The following EXOC2 variants were observed in gnomAD, a reference collection of about 807,000 sequenced individuals.
EXOC2 encodes SEC5-like 1.
EXOC2 carries 70 observed loss-of-function variants against 131.8 expected under a neutral mutation model. The observed-to-expected ratio is 0.53, with a 90% CI of 0.44 to 0.65. The LOEUF (loss-of-function observed/expected upper bound fraction) is 0.65. Ranked by LOEUF, EXOC2 falls within the 30% of genes least tolerant of loss-of-function variation. The probability of loss-of-function intolerance (pLI) is 0.00; values close to 1 mark genes in which losing one functional copy is unlikely to be tolerated. For synonymous variants in EXOC2, 411 were observed against 398.4 expected (o/e 1.03, Z -0.38); for missense variants, 923 against 1,108.6 (o/e 0.83, Z 2.38).
intron 26 of EXOC2, 39 bp downstream of exon 26, chr6:491,086 T>C (rs992739053): frequency 1.2e-6 from 2 of 1,606,014 alleles, no homozygotes; most frequent in South Asian, 1.1e-5. Flanking sequence ...CAACCTTTAT[T>C]TTTAATAGAG....
chr6:665,983 C>T (rs541373711), intron 1 of EXOC2, among the ~76,000 whole-genome samples: 2 of 152,212 alleles, frequency 1.3e-5, no homozygotes, highest in Non-Finnish European at 2.9e-5. Context: ...GAAATGTGGT[C>T]TGCTACCTAT....
chr6:604,682 G>T (rs1760297957), intron 7 of EXOC2, among the ~76,000 whole-genome samples: 1 of 144,904 alleles, frequency 6.9e-6, no homozygotes, highest in Non-Finnish European at 1.5e-5. Flanking sequence ...TTCCTGGGCT[G>T]CGGCCTATCT....
chr6:625,487 T>G (rs1252975052), intron 4 of EXOC2, among the ~76,000 whole-genome samples: 1 of 152,010 alleles, frequency 6.6e-6, no homozygotes, highest in Non-Finnish European at 1.5e-5. Flanking sequence ...TTACACTCTG[T>G]TGTATTACGT....
chr6:654,835 A>AAAAAAAAAC (rs1561976766), intron 1 of EXOC2, among the ~76,000 whole-genome samples: 1 of 143,362 alleles, frequency 7.0e-6, no homozygotes, highest in Non-Finnish European at 1.5e-5. Flanking sequence ...AAAAAAAAAA[A>AAAAAAAAAC]AAGTAGAGCC....
Position 562,731 on chromosome 6 carries a change from A to G in EXOC2, c.1851+53T>C, listed in dbSNP as rs568137069. On this transcript the variant is annotated intron_variant, in intron 17 of 27. Transcript: ENST00000230449. ...ATGCTCCCTATTAATATGATAAACTATTTATTTTAAATACACACTAATGAC... is the reference window on the plus strand; with the variant it reads ...ATGCTCCCTATTAATATGATAAACTGTTTATTTTAAATACACACTAATGAC... The G allele has an allele frequency of 8.6e-6, 11 of 1,275,166 alleles. No homozygotes were observed. The South Asian group carries it at 1.5e-4, about 18-fold the overall frequency. The allele number at this position is 1,275,166 out of a possible 1,614,324, so 79.0% of individuals were successfully genotyped here.
At chr6:684,619 C>T (rs9504749) in intron 1 of EXOC2, among the ~76,000 whole-genome samples, 21,773 of 152,056 alleles carry the variant, frequency 0.14, 1,724 homozygotes, top group African/African-American at 0.21. Context: ...TTTTCTGCAA[C>T]AGAAGTCAGA....
chr6:636,958 G>T (rs1395141044), intron 2 of EXOC2, among the ~76,000 whole-genome samples: 1 of 152,154 alleles, frequency 6.6e-6, no homozygotes, highest in East Asian at 1.9e-4. Flanking sequence ...GTTCTAGAGA[G>T]ATTCAGAAAA....
intron 1 of EXOC2, among the ~76,000 whole-genome samples, chr6:647,319 A>C (rs1762618608): frequency 1.3e-5 from 2 of 151,956 alleles, no homozygotes; most frequent in Admixed American, 6.6e-5. Flanking sequence ...CATTAATGTT[A>C]CTGAAAAGAT....
intron 12 of EXOC2, among the ~76,000 whole-genome samples, chr6:575,500 T>TCGCTCCCTCTCCATCCTCTCCCC (rs1758528680): frequency 6.6e-6 from 1 of 151,816 alleles, no homozygotes; most frequent in Non-Finnish European, 1.5e-5. Flanking sequence ...ATCCTCTCCC[T>TCGCTCCCTCTCCATCCTCTCCCC]CGCTCCCTCT....
chr6:615,520 T>C (rs1760949558), intron 6 of EXOC2, among the ~76,000 whole-genome samples: 1 of 152,152 alleles, frequency 6.6e-6, no homozygotes, highest in African/African-American at 2.4e-5. Context: ...TGACCTTGTT[T>C]CTTCAACAAA....
At chr6:513,242 A>G (rs1304376188) in intron 23 of EXOC2, among the ~76,000 whole-genome samples, 3 of 152,260 alleles carry the variant, frequency 2.0e-5, no homozygotes, top group Non-Finnish European at 2.9e-5. Context: ...GTGCCGTACC[A>G]AGAGCACGGC....
At chr6:564,304 T>C (rs974346442) in intron 15 of EXOC2, 150 bp from the exon 16 acceptor site, 9 of 1,282,758 alleles carry the variant, frequency 7.0e-6, no homozygotes, top group South Asian at 1.5e-5. Flanking sequence ...GGGACTGTAC[T>C]GTCAGAGTAA....
chr6:665,185 C>T (rs1763586084), intron 1 of EXOC2, among the ~76,000 whole-genome samples: 1 of 152,144 alleles, frequency 6.6e-6, no homozygotes, highest in Admixed American at 6.5e-5. Context: ...GAAAAAAATG[C>T]TCAGCATCAC....
intron 6 of EXOC2, among the ~76,000 whole-genome samples, chr6:613,614 A>C (rs1455614507): frequency 3.3e-5 from 5 of 152,192 alleles, no homozygotes; most frequent in African/African-American, 1.2e-4. Context: ...ATTTTTCTTA[A>C]CCACACAGCT....
chr6:636,391 G>A (rs916540076), intron 2 of EXOC2, among the ~76,000 whole-genome samples: 4 of 152,184 alleles, frequency 2.6e-5, no homozygotes, highest in African/African-American at 7.2e-5. Flanking sequence ...GTTTTCTCCC[G>A]ACTGTAACCT....
At chr6:515,495 G>A (rs768098233) in intron 23 of EXOC2, among the ~76,000 whole-genome samples, 8 of 152,314 alleles carry the variant, frequency 5.3e-5, no homozygotes. Context: ...ATACCCTGAC[G>A]CCCTGAGCAC....
At chr6:529,457 C>T (rs1765946967) in intron 23 of EXOC2, among the ~76,000 whole-genome samples, 1 of 152,166 alleles carries the variant, frequency 6.6e-6, no homozygotes, top group Admixed American at 6.5e-5. Context: ...TTCTCGGTAA[C>T]AATCGGAGAT....
chr6:488,948 C>T, intron 27 of EXOC2, 31 bp downstream of exon 27: 1 of 1,603,676 alleles, frequency 6.2e-7, no homozygotes, highest in Non-Finnish European at 8.5e-7. Flanking sequence ...GCACATTCAA[C>T]TGGCTCCTAA....
At position 486,152 on chromosome 6, in the gene EXOC2, A is replaced by C. The variant is rs1035910724; in HGVS notation, c.*519T>G. On this transcript the variant is annotated 3_prime_UTR_variant, in exon 28 of 28. Transcript: ENST00000230449. ...ATGGAGACCATAAATTTTTCCAAAA[A>C]CCCGCTTGAATTAGAAAACTTAAGG... 6.6e-6 allele frequency: 1 copy of C among 152,286 alleles called. No individual in the cohort carries two copies. The highest frequency in any genetic ancestry group is 1.5e-5 in the Non-Finnish European group (1 of 68,100). The allele number at this position is 152,286 out of a possible 1,614,324, so 9.4% of individuals were successfully genotyped here. A position where few individuals can be genotyped will look rare whatever the true frequency, so the allele number is the denominator to read the frequency against.
Sources: gnomAD v4.1 joint callset for allele counts (sites outside exome capture counted in the v4.1 genomes callset) on GRCh38, gnomAD v4.1.1 for gene constraint, MANE v1.5 for transcripts, NCBI Gene and HGNC (gene_info 2026-07-23, HGNC 2026-07-21) for gene names.